PTPRD: variants seen among roughly 807,000 people sequenced by gnomAD.
PTPRD encodes the protein receptor-type tyrosine-protein phosphatase delta.
PTPRD carries 34 observed loss-of-function variants against 214.5 expected under a neutral mutation model. The ratio of observed to expected loss-of-function variants is 0.16; its 90% CI spans 0.12 to 0.21. PTPRD has a LOEUF of 0.21. Among genes scored for constraint, PTPRD ranks in the 10% least tolerant of loss-of-function variants. The pLI is 1.00. For synonymous variants in PTPRD, 1,128 were observed against 845.7 expected, an observed-to-expected ratio of 1.33 and a Z score of -5.79; for missense variants, 2,545 against 2,398.7, an observed-to-expected ratio of 1.06 and a Z score of -1.27.
intron 37 of PTPRD, among the ~76,000 whole-genome samples, chr9:8,383,876 C>A (rs2086034485): frequency 6.6e-6 from 1 of 152,152 alleles, no homozygotes; most frequent in Non-Finnish European, 1.5e-5. Context: ...AAGTAAAAGT[C>A]AGATATATTC....
chr9:9,082,942 G>A (rs1028738710), intron 10 of PTPRD, among the ~76,000 whole-genome samples: 4 of 152,172 alleles, frequency 2.6e-5, no homozygotes, highest in Admixed American at 2.0e-4. Flanking sequence ...CTCATGGATA[G>A]GAAGAATCAA....
At chr9:8,457,180 G>A (rs994381357) in intron 33 of PTPRD, among the ~76,000 whole-genome samples, 2 of 152,226 alleles carry the variant, frequency 1.3e-5, no homozygotes, top group African/African-American at 4.8e-5. Context: ...ATGAAGAAAT[G>A]TAGGCTCAGA....
chr9:8,894,226 G>A (rs927554501), intron 11 of PTPRD, among the ~76,000 whole-genome samples: 1 of 151,672 alleles, frequency 6.6e-6, no homozygotes, highest in East Asian at 1.9e-4. Flanking sequence ...GTGGTAATGC[G>A]TGCCTGTAAT....
In PTPRD at chr9:9,915,640, A is replaced by T. The variant is rs1601969004; in HGVS notation, c.-368+22867T>A. Among the ~76,000 whole-genome samples the T allele has an allele frequency of 2.0e-5, 3 of 152,010 alleles. No individual in the cohort carries two copies. The East Asian group carries it at 5.8e-4, about 29-fold the overall frequency. Reference sequence around the variant, plus strand: ...AACAGGCTAGACCACCAAGCAGAAGAAACAAATTTCTGACCTTGAAAACAG... The same window carrying T: ...AACAGGCTAGACCACCAAGCAGAAGTAACAAATTTCTGACCTTGAAAACAG... On this transcript the variant is annotated intron_variant, in intron 5 of 45. Transcript: ENST00000381196.
At chr9:9,889,954 G>A (rs1256754432) in intron 5 of PTPRD, among the ~76,000 whole-genome samples, 1 of 151,960 alleles carries the variant, frequency 6.6e-6, no homozygotes, top group Admixed American at 6.6e-5. Context: ...TGAATTATCA[G>A]CAATCTGGCT....
intron 4 of PTPRD, among the ~76,000 whole-genome samples, chr9:10,004,200 T>G (rs887748887): frequency 2.0e-5 from 3 of 151,804 alleles, no homozygotes. Flanking sequence ...TAAAAAAAAT[T>G]TAGGTTGTAT....
chr9:8,631,940 G>C (rs965288531), intron 14 of PTPRD, among the ~76,000 whole-genome samples: 2 of 151,882 alleles, frequency 1.3e-5, no homozygotes, highest in Non-Finnish European at 2.9e-5. Flanking sequence ...ATAACAGCCA[G>C]AAATGTAGCT....
intron 2 of PTPRD, among the ~76,000 whole-genome samples, chr9:10,363,403 C>T (rs1028918112): frequency 1.2e-4 from 18 of 152,180 alleles, no homozygotes; most frequent in African/African-American, 3.9e-4. Flanking sequence ...GATTTCTTTA[C>T]ACACTTCCCT....
chr9:9,969,748 G>T (rs533848859), intron 4 of PTPRD, among the ~76,000 whole-genome samples: 1 of 152,188 alleles, frequency 6.6e-6, no homozygotes, highest in Non-Finnish European at 1.5e-5. Flanking sequence ...AAGTGGCAAT[G>T]CCCATCAAAT....
chr9:9,182,633 C>G (rs760506541), intron 10 of PTPRD, among the ~76,000 whole-genome samples: 1 of 151,754 alleles, frequency 6.6e-6, no homozygotes, highest in Non-Finnish European at 1.5e-5. Context: ...GAAAAAATGT[C>G]CTTGGCAGAG....
chr9:9,012,404 T>G (rs533148326), intron 11 of PTPRD, among the ~76,000 whole-genome samples: 1 of 152,306 alleles, frequency 6.6e-6, no homozygotes, highest in Admixed American at 6.5e-5. Context: ...CAATACGTAC[T>G]TAGTTAATAA....
intron 2 of PTPRD, among the ~76,000 whole-genome samples, chr9:10,393,188 C>A (rs1195169083): frequency 1.3e-5 from 2 of 151,706 alleles, no homozygotes; most frequent in Non-Finnish European, 2.9e-5. Flanking sequence ...ATCTGAAAAT[C>A]TTTGATATAG....
intron 12 of PTPRD, among the ~76,000 whole-genome samples, chr9:8,704,668 A>G (rs2098164209): frequency 6.6e-6 from 1 of 151,920 alleles, no homozygotes; most frequent in Admixed American, 6.6e-5. Context: ...TCACAGAGAT[A>G]ATGCAATTTA....
At chr9:10,081,837 A>T (rs1167330324) in intron 3 of PTPRD, among the ~76,000 whole-genome samples, 2 of 152,106 alleles carry the variant, frequency 1.3e-5, no homozygotes, top group Middle Eastern at 3.2e-3. Context: ...TAGTCATGAA[A>T]ATAGCTGAGT....
chr9:10,201,169 T>G (rs2099418547), intron 3 of PTPRD, among the ~76,000 whole-genome samples: 1 of 151,942 alleles, frequency 6.6e-6, no homozygotes, highest in African/African-American at 2.4e-5. Context: ...CAATACATAC[T>G]CCAATGCTTC....
At chr9:10,452,353 T>C (rs1324032541) in intron 2 of PTPRD, among the ~76,000 whole-genome samples, 1 of 151,782 alleles carries the variant, frequency 6.6e-6, no homozygotes, top group Non-Finnish European at 1.5e-5. Context: ...GAGTGATTGA[T>C]GGATTTTACG....
At chr9:10,083,950 G>A (rs1367591744) in intron 3 of PTPRD, among the ~76,000 whole-genome samples, 1 of 151,884 alleles carries the variant, frequency 6.6e-6, no homozygotes, top group African/African-American at 2.4e-5. Context: ...CACTGGAGTT[G>A]GGGACACCTG....
intron 10 of PTPRD, among the ~76,000 whole-genome samples, chr9:9,082,623 G>A (rs1044178743): frequency 1.2e-4 from 18 of 152,036 alleles, no homozygotes; most frequent in East Asian, 5.8e-4. Flanking sequence ...CTTTCTTTGC[G>A]GATGACATGA....
chr9:9,707,304 G>A (rs2097641547), intron 7 of PTPRD, among the ~76,000 whole-genome samples: 1 of 152,070 alleles, frequency 6.6e-6, no homozygotes, highest in Non-Finnish European at 1.5e-5. Context: ...TATCTATTTT[G>A]GGGCCTTAGA....
Sources: gnomAD v4.1 joint callset for allele counts (sites outside exome capture counted in the v4.1 genomes callset) on GRCh38, gnomAD v4.1.1 for gene constraint, MANE v1.5 for transcripts, NCBI Gene and HGNC (gene_info 2026-07-23, HGNC 2026-07-21) for gene names.